Variants in SPMIP11 observed in about 807,000 individuals in gnomAD.
SPMIP11 encodes the protein long intergenic non-protein coding RNA 935.
chr12:48,759,750 A>T, the SPMIP11 span, among the ~76,000 whole-genome samples: 1 of 151,626 alleles, frequency 6.6e-6, no homozygotes, highest in Non-Finnish European at 1.5e-5. Flanking sequence ...AAGAGAAGAG[A>T]CTGAGAGGAA....
At chr12:48,765,734 T>C in the SPMIP11 span, 18 of 698,896 alleles carry the variant, frequency 2.6e-5, no homozygotes, top group Admixed American at 2.2e-4. Flanking sequence ...CCAGTTCCGA[T>C]GGCTGACTAA....
chr12:48,768,653 C>T, the SPMIP11 span: 66 of 1,614,062 alleles, frequency 4.1e-5, no homozygotes, highest in African/African-American at 8.1e-4. Flanking sequence ...TTCACCTTGA[C>T]CACCCCTCGA....
chr12:48,751,354 C>T, the SPMIP11 span, among the ~76,000 whole-genome samples: 49,788 of 151,816 alleles, frequency 0.33, 9,276 homozygotes, highest in Non-Finnish European at 0.45. Flanking sequence ...TGGCTCATAC[C>T]TGTAATCCCA....
the SPMIP11 span, among the ~76,000 whole-genome samples, chr12:48,736,492 C>T: frequency 3.3e-5 from 5 of 151,496 alleles, no homozygotes; most frequent in East Asian, 5.8e-4. Flanking sequence ...TTACTTCTTT[C>T]CCCAATACTT....
the SPMIP11 span, among the ~76,000 whole-genome samples, chr12:48,749,065 C>A: frequency 4.2e-4 from 64 of 151,996 alleles, no homozygotes; most frequent in Non-Finnish European, 3.8e-4. Context: ...AGTTCAAGAC[C>A]AACCTGACCA....
At chr12:48,764,620 G>A in the SPMIP11 span, among the ~76,000 whole-genome samples, 1 of 152,096 alleles carries the variant, frequency 6.6e-6, no homozygotes, top group Non-Finnish European at 1.5e-5. Flanking sequence ...CTTGGAGATG[G>A]GCTTACTAGC....
the SPMIP11 span, among the ~76,000 whole-genome samples, chr12:48,764,477 G>C: frequency 6.6e-6 from 1 of 152,052 alleles, no homozygotes; most frequent in African/African-American, 2.4e-5. Flanking sequence ...TTTTTTCCAA[G>C]AGGAGGGAAG....
At chr12:48,742,285 T>C in the SPMIP11 span, among the ~76,000 whole-genome samples, 281 of 140,970 alleles carry the variant, frequency 2.0e-3, 4 homozygotes, top group African/African-American at 6.5e-3. Flanking sequence ...TTCCTTTTTT[T>C]TTTTTTTTTT....
chr12:48,759,410 C>T, the SPMIP11 span: 18 of 678,348 alleles, frequency 2.7e-5, no homozygotes, highest in South Asian at 4.6e-5. Flanking sequence ...GGGATGAGGC[C>T]GGGCTTGGTG....
chr12:48,728,841 G>T, the SPMIP11 span, among the ~76,000 whole-genome samples: 1 of 152,092 alleles, frequency 6.6e-6, no homozygotes, highest in East Asian at 1.9e-4. Context: ...GTGCTGGGAG[G>T]CAGACGTTGA....
At chr12:48,750,588 A>G in the SPMIP11 span, among the ~76,000 whole-genome samples, 1 of 152,114 alleles carries the variant, frequency 6.6e-6, no homozygotes, top group Non-Finnish European at 1.5e-5. Flanking sequence ...CTACTTTTCT[A>G]TTACCTCAGA....
At chr12:48,769,712 G>A in the SPMIP11 span, among the ~76,000 whole-genome samples, 11 of 148,604 alleles carry the variant, frequency 7.4e-5, no homozygotes, top group African/African-American at 2.7e-4. Context: ...TCAGCCTCCC[G>A]AGTAGCTGGG....
chr12:48,760,491 T>A, the SPMIP11 span, among the ~76,000 whole-genome samples: 3 of 150,326 alleles, frequency 2.0e-5, no homozygotes, highest in African/African-American at 4.9e-5. Context: ...TTACCCTTTA[T>A]CAACCTACTC....
At chr12:48,769,581 T>C in the SPMIP11 span, among the ~76,000 whole-genome samples, 1 of 150,952 alleles carries the variant, frequency 6.6e-6, no homozygotes, top group Non-Finnish European at 1.5e-5. Context: ...GGCTTCATCC[T>C]TTCTTTTCTT....
At chr12:48,763,612 T>C in the SPMIP11 span, among the ~76,000 whole-genome samples, 11 of 152,308 alleles carry the variant, frequency 7.2e-5, no homozygotes, top group African/African-American at 2.6e-4. Context: ...AGGCTATAAT[T>C]CTAAGTTTTA....
chr12:48,756,130 G>A, the SPMIP11 span, among the ~76,000 whole-genome samples: 62 of 151,742 alleles, frequency 4.1e-4, no homozygotes, highest in South Asian at 6.9e-3. Flanking sequence ...TGATCCGCCT[G>A]CCTCGGCCTC....
At chr12:48,747,768 G>A in the SPMIP11 span, among the ~76,000 whole-genome samples, 1 of 152,112 alleles carries the variant, frequency 6.6e-6, no homozygotes, top group Admixed American at 6.5e-5. Context: ...GTATTTTCTT[G>A]AAGCCACTTG....
chr12:48,737,276 G>T, the SPMIP11 span, among the ~76,000 whole-genome samples: 3 of 151,040 alleles, frequency 2.0e-5, no homozygotes, highest in Non-Finnish European at 4.4e-5. Context: ...TTTTCTTTTT[G>T]ATCCGTAGTA....
chr12:48,732,524 C>T, the SPMIP11 span, among the ~76,000 whole-genome samples: 1 of 152,088 alleles, frequency 6.6e-6, no homozygotes, highest in Admixed American at 6.6e-5. Context: ...AATCCCAGCA[C>T]TTTGGGAGGC....
Sources: gnomAD v4.1 joint callset for allele counts (sites outside exome capture counted in the v4.1 genomes callset) on GRCh38, gnomAD v4.1.1 for gene constraint, MANE v1.5 for transcripts, NCBI Gene and HGNC (gene_info 2026-07-23, HGNC 2026-07-21) for gene names.